Variants in CNTNAP2 observed in about 807,000 individuals in gnomAD.
The protein encoded by CNTNAP2 is contactin-associated protein-like 2.
Under a neutral mutation model 155.2 loss-of-function variants are expected in CNTNAP2, and 98 were observed. The observed-to-expected ratio is 0.63, with a 90% CI of 0.54 to 0.75. The LOEUF (loss-of-function observed/expected upper bound fraction) is 0.75. Ranked by LOEUF, CNTNAP2 falls within the 30% of genes least tolerant of loss-of-function variation. The pLI, the probability that CNTNAP2 is intolerant of heterozygous loss-of-function variation, is 0.00. For missense variants in CNTNAP2, 1,727 were observed against 1,688.1 expected, an observed-to-expected ratio of 1.02 and a Z score of -0.40; for synonymous variants, 651 against 631.2, an observed-to-expected ratio of 1.03 and a Z score of -0.47.
At chr7:146,186,539 TATC>T (rs1348018592) in intron 1 of CNTNAP2, among the ~76,000 whole-genome samples, 1 of 152,196 alleles carries the variant, frequency 6.6e-6, no homozygotes, top group East Asian at 1.9e-4. Context: ...TCCAGTTTCA[TATC>T]ATAATTAAAA....
intron 16 of CNTNAP2, among the ~76,000 whole-genome samples, chr7:148,145,043 G>A (rs527668823): frequency 6.6e-6 from 1 of 152,244 alleles, no homozygotes; most frequent in African/African-American, 2.4e-5. Flanking sequence ...TTGAGTGGCT[G>A]AGAAAAAAGA....
At chr7:146,930,293 T>TAAAGA (rs1796718582) in intron 3 of CNTNAP2, among the ~76,000 whole-genome samples, 1 of 152,062 alleles carries the variant, frequency 6.6e-6, no homozygotes, top group South Asian at 2.1e-4. Context: ...GCAACATTCA[T>TAAAGA]AAAGAAAAGA....
intron 14 of CNTNAP2, among the ~76,000 whole-genome samples, chr7:147,973,432 G>A (rs1801371578): frequency 6.6e-6 from 1 of 152,060 alleles, no homozygotes; most frequent in Non-Finnish European, 1.5e-5. Context: ...TGTTGATTGG[G>A]TAAGGAATAT....
chr7:146,556,817 G>A (rs1798205739), intron 1 of CNTNAP2, among the ~76,000 whole-genome samples: 1 of 151,330 alleles, frequency 6.6e-6, no homozygotes, highest in South Asian at 2.1e-4. Context: ...TGGTGAGCTG[G>A]CACTATTTAG....
chr7:147,915,482 G>A (rs1239428133), intron 14 of CNTNAP2, among the ~76,000 whole-genome samples: 1 of 152,158 alleles, frequency 6.6e-6, no homozygotes, highest in Non-Finnish European at 1.5e-5. Flanking sequence ...ACTGGTATCA[G>A]TTATGACACC....
chr7:146,924,007 C>T (rs944777735), intron 3 of CNTNAP2, among the ~76,000 whole-genome samples: 3 of 152,134 alleles, frequency 2.0e-5, no homozygotes, highest in African/African-American at 4.8e-5. Flanking sequence ...TAGCTTCCCC[C>T]AACTGTTGTC....
Position 147,413,845 on chromosome 7 carries a change from G to C in CNTNAP2, c.1670+18065G>C, listed in dbSNP as rs1166333392. On this transcript the variant is annotated intron_variant, in intron 10 of 23. Coordinates refer to ENST00000361727, the MANE Select transcript of CNTNAP2 (RefSeq NM_014141.6). ...ATGCAGCTCAGGTAGTGACAAAAAA[G>C]ATCAGTGATGTGGGCCTTTGGTGTG... Among the ~76,000 whole-genome samples the C allele has an allele frequency of 6.5e-4, 99 of 152,250 alleles. 1 individual carries two copies. Among genetic ancestry groups the C allele is most frequent in the Non-Finnish European group, 1.5e-5 (1 of 68,012 alleles).
intron 8 of CNTNAP2, among the ~76,000 whole-genome samples, chr7:147,171,352 C>G (rs1380773837): frequency 6.6e-6 from 1 of 152,160 alleles, no homozygotes; most frequent in Non-Finnish European, 1.5e-5. Context: ...TGGTAGCGGC[C>G]CTTCCTGGCT....
At chr7:148,188,340 T>A (rs1795153612) in intron 18 of CNTNAP2, among the ~76,000 whole-genome samples, 1 of 152,214 alleles carries the variant, frequency 6.6e-6, no homozygotes, top group African/African-American at 2.4e-5. Flanking sequence ...GCCAAGTCCT[T>A]ACCCAGAAGA....
At chr7:147,623,555 G>A (rs1330745836) in intron 12 of CNTNAP2, among the ~76,000 whole-genome samples, 1 of 151,866 alleles carries the variant, frequency 6.6e-6, no homozygotes, top group Non-Finnish European at 1.5e-5. Context: ...TAAAGTGAAA[G>A]ATCTCTATAA....
intron 1 of CNTNAP2, among the ~76,000 whole-genome samples, chr7:146,521,997 G>A (rs966466744): frequency 2.6e-5 from 4 of 151,278 alleles, no homozygotes; most frequent in South Asian, 4.2e-4. Context: ...GTAAATCAAT[G>A]CAATTCTCAG....
At chr7:147,576,895 G>A (rs1052176797) in intron 12 of CNTNAP2, among the ~76,000 whole-genome samples, 4 of 152,008 alleles carry the variant, frequency 2.6e-5, no homozygotes, top group African/African-American at 9.7e-5. Flanking sequence ...CGCTTAGGGT[G>A]ACTGACCAGC....
intron 4 of CNTNAP2, among the ~76,000 whole-genome samples, chr7:147,101,139 A>T (rs1369358654): frequency 6.6e-6 from 1 of 152,222 alleles, no homozygotes. Context: ...GGAGCACATA[A>T]AAAGAAAGAT....
chr7:147,606,935 T>A (rs1801079929), intron 12 of CNTNAP2, among the ~76,000 whole-genome samples: 1 of 152,150 alleles, frequency 6.6e-6, no homozygotes, highest in South Asian at 2.1e-4. Context: ...CAGAGAATTT[T>A]TTTTTTAATG....
At chr7:146,871,534 AAAAT>A (rs1014956753) in intron 3 of CNTNAP2, among the ~76,000 whole-genome samples, 3 of 151,956 alleles carry the variant, frequency 2.0e-5, no homozygotes, top group Non-Finnish European at 2.9e-5. Context: ...CGTCTAAAAA[AAAAT>A]AAATAAATAA....
At chr7:147,469,014 G>A (rs964372604) in intron 10 of CNTNAP2, among the ~76,000 whole-genome samples, 3 of 151,898 alleles carry the variant, frequency 2.0e-5, no homozygotes, top group African/African-American at 4.8e-5. Flanking sequence ...GTAGAGATGG[G>A]GTTTCACCAT....
intron 13 of CNTNAP2, among the ~76,000 whole-genome samples, chr7:147,793,358 TG>T (rs1265828055): frequency 1.3e-5 from 2 of 152,150 alleles, no homozygotes; most frequent in East Asian, 3.8e-4. Context: ...GAATTAATTT[TG>T]TATATGGTGT....
intron 4 of CNTNAP2, among the ~76,000 whole-genome samples, chr7:147,064,608 C>G (rs1294981037): frequency 6.6e-6 from 1 of 152,112 alleles, no homozygotes; most frequent in African/African-American, 2.4e-5. Flanking sequence ...CATTTCTTTC[C>G]CATCTCCAGT....
intron 8 of CNTNAP2, among the ~76,000 whole-genome samples, chr7:147,246,106 TAC>T (rs10564096): frequency 1.0e-5 from 1 of 99,008 alleles, no homozygotes; most frequent in African/African-American, 4.9e-5. Flanking sequence ...TATATATATA[TAC>T]ACACATATAT....
Sources: gnomAD v4.1 joint callset for allele counts (sites outside exome capture counted in the v4.1 genomes callset) on GRCh38, gnomAD v4.1.1 for gene constraint, MANE v1.5 for transcripts, NCBI Gene and HGNC (gene_info 2026-07-23, HGNC 2026-07-21) for gene names.